DDAH1: variants seen among roughly 807,000 people sequenced by gnomAD.
DDAH1 encodes the protein N(G),N(G)-dimethylarginine dimethylaminohydrolase 1.
DDAH1 carries 19 observed loss-of-function variants against 28.8 expected under a neutral mutation model. That is an observed-to-expected ratio of 0.66 (90% confidence interval 0.46 to 0.97). The LOEUF is 0.97. DDAH1 is among the 50% of genes least tolerant of loss of function. DDAH1 has a pLI of 0.00. For missense variants in DDAH1, 326 were observed against 375.9 expected (o/e 0.87, Z 1.10); for synonymous variants, 153 against 154.4 (o/e 0.99, Z 0.07).
intron 1 of DDAH1, among the ~76,000 whole-genome samples, chr1:85,417,967 A>G (rs1652958031): frequency 6.6e-6 from 1 of 152,258 alleles, no homozygotes; most frequent in Admixed American, 6.5e-5. Context: ...ACGATTACAA[A>G]TCATAGTTGC....
Position 85,336,407 on chromosome 1 carries a change from T to C in DDAH1, c.598-11524A>G, listed in dbSNP as rs147778584. ...AGAAATGTTGAAAACTACAAATACA[T>C]GGAAATTAAACAACATGCTCCTGAA... On this transcript the variant is annotated intron_variant, in intron 4 of 5. Transcript: ENST00000284031. 2.1e-3 allele frequency among the ~76,000 whole-genome samples: 311 copies of C among 151,426 alleles called. 1 individual carries two copies. The highest frequency in any genetic ancestry group is 3.9e-3 in the Non-Finnish European group (263 of 67,834).
At chr1:85,476,321 T>A (rs1244253674) in intron 2 of DDAH1, among the ~76,000 whole-genome samples, 1 of 152,248 alleles carries the variant, frequency 6.6e-6, no homozygotes, top group Non-Finnish European at 1.5e-5. Context: ...AGTGGCTTTA[T>A]AAAACAGTCA....
chr1:85,568,965 A>G (rs2100562145), intron 1 of DDAH1, among the ~76,000 whole-genome samples: 1 of 152,302 alleles, frequency 6.6e-6, no homozygotes, highest in Middle Eastern at 3.4e-3. Context: ...AGACTGTGTC[A>G]TCCTCAAAGT....
intron 4 of DDAH1, among the ~76,000 whole-genome samples, chr1:85,327,582 C>G (rs373468630): frequency 6.6e-6 from 1 of 152,174 alleles, no homozygotes; most frequent in African/African-American, 2.4e-5. Flanking sequence ...GAATGCAGGT[C>G]CAGGCATAAT....
At chr1:85,450,503 G>A (rs890753868) in intron 1 of DDAH1, among the ~76,000 whole-genome samples, 4 of 152,096 alleles carry the variant, frequency 2.6e-5, no homozygotes, top group Non-Finnish European at 4.4e-5. Flanking sequence ...TAGTCAATCC[G>A]ATATATCATC....
intron 1 of DDAH1, among the ~76,000 whole-genome samples, chr1:85,369,898 C>T (rs918476435): frequency 1.3e-5 from 2 of 152,182 alleles, no homozygotes; most frequent in Non-Finnish European, 2.9e-5. Flanking sequence ...AAAGGACCAA[C>T]TCTGTTGCCC....
At position 85,438,574 on chromosome 1, in the gene DDAH1, C is replaced by G. The variant is rs75089964; in HGVS notation, c.303+26169G>C. Reference sequence around the variant, plus strand: ...GACCCCTGTGCTGTTCAAGGGTCAACTGTATTCTAGTCCTCTTTGAGCAAC... The same window carrying G: ...GACCCCTGTGCTGTTCAAGGGTCAAGTGTATTCTAGTCCTCTTTGAGCAAC... On this transcript the variant is annotated intron_variant, in intron 1 of 5. Coordinates refer to ENST00000284031, the MANE Select transcript of DDAH1 (RefSeq NM_012137.4). Among the ~76,000 whole-genome samples, 1,318 of 152,292 alleles carry G rather than the reference C, an allele frequency of 8.7e-3. 21 individuals carry two copies. Among genetic ancestry groups the G allele is most frequent in the African/African-American group, 0.03 (1,265 of 41,566 alleles).
intron 1 of DDAH1, among the ~76,000 whole-genome samples, chr1:85,455,375 C>T (rs1403666217): frequency 6.6e-6 from 1 of 152,128 alleles, no homozygotes; most frequent in Non-Finnish European, 1.5e-5. Flanking sequence ...TACATCTATA[C>T]CTTATTTGGC....
At chr1:85,412,648 G>C (rs991669851) in intron 1 of DDAH1, among the ~76,000 whole-genome samples, 1 of 152,124 alleles carries the variant, frequency 6.6e-6, no homozygotes, top group Admixed American at 6.6e-5. Flanking sequence ...AAAGCATCAA[G>C]GTAGTTCCTT....
chr1:85,456,043 T>C (rs533917708), intron 1 of DDAH1, among the ~76,000 whole-genome samples: 10 of 152,142 alleles, frequency 6.6e-5, no homozygotes, highest in African/African-American at 2.4e-4. Context: ...CCCATCTTCT[T>C]ATCTCTTTCC....
chr1:85,380,276 G>A (rs1382222339), intron 1 of DDAH1: 3 of 152,038 alleles, frequency 2.0e-5, no homozygotes, highest in East Asian at 1.9e-4. Flanking sequence ...TAGATAATCC[G>A]GGTAAACACA....
chr1:85,534,352 G>T (rs1445015085), intron 1 of DDAH1, among the ~76,000 whole-genome samples: 3 of 152,158 alleles, frequency 2.0e-5, no homozygotes, highest in Non-Finnish European at 4.4e-5. Context: ...AGGAGAAAAA[G>T]ATGTTTAAAG....
intron 2 of DDAH1, among the ~76,000 whole-genome samples, chr1:85,356,244 A>G (rs1168523466): frequency 6.6e-6 from 1 of 152,234 alleles, no homozygotes. Flanking sequence ...GTTGCTGTCT[A>G]TTTAAGAGAA....
At chr1:85,519,985 T>A (rs551646634) in intron 1 of DDAH1, among the ~76,000 whole-genome samples, 3 of 151,944 alleles carry the variant, frequency 2.0e-5, no homozygotes, top group African/African-American at 7.3e-5. Context: ...TATTTATTTA[T>A]TTATTTATTT....
intron 1 of DDAH1, among the ~76,000 whole-genome samples, chr1:85,529,396 G>A (rs1658001308): frequency 6.6e-6 from 1 of 151,962 alleles, no homozygotes; most frequent in African/African-American, 2.4e-5. Context: ...TTGAGACTGA[G>A]AAATATATAT....
At chr1:85,538,679 T>A in intron 1 of DDAH1, among the ~76,000 whole-genome samples, 1 of 151,452 alleles carries the variant, frequency 6.6e-6, no homozygotes, top group Non-Finnish European at 1.5e-5. Context: ...GAAATGCAGG[T>A]CAAAATGAAA....
Position 85,465,142 on chromosome 1 carries a change from T to G in DDAH1, c.-97A>C. On this transcript the variant is annotated 5_prime_UTR_variant, in exon 1 of 6. Transcript: ENST00000284031. ...GCCTGCGAGCGCCCGTCGGCTCCTCTTGGCAGCCGCTGAATGTGGTGCAGA... is the reference window on the plus strand; with the variant it reads ...GCCTGCGAGCGCCCGTCGGCTCCTCGTGGCAGCCGCTGAATGTGGTGCAGA... 1 of 1,162,588 alleles carries G rather than the reference T, an allele frequency of 8.6e-7. No individual in the cohort carries two copies. The allele number at this position is 1,162,588 out of a possible 1,614,324, so 72.0% of individuals were successfully genotyped here.
intron 1 of DDAH1, among the ~76,000 whole-genome samples, chr1:85,410,001 C>T (rs1319139292): frequency 6.6e-6 from 1 of 152,212 alleles, no homozygotes; most frequent in African/African-American, 2.4e-5. Context: ...TATAGATTAG[C>T]TGAGCACAGT....
chr1:85,524,982 C>A (rs1251987852), intron 1 of DDAH1, among the ~76,000 whole-genome samples: 1 of 80,448 alleles, frequency 1.2e-5, no homozygotes, highest in African/African-American at 3.4e-5. Flanking sequence ...TATTTAGAAT[C>A]AAAATGACTG....
Sources: gnomAD v4.1 joint callset for allele counts (sites outside exome capture counted in the v4.1 genomes callset) on GRCh38, gnomAD v4.1.1 for gene constraint, MANE v1.5 for transcripts, NCBI Gene and HGNC (gene_info 2026-07-23, HGNC 2026-07-21) for gene names.